Variants in KPNA7 observed in about 807,000 individuals in gnomAD.
KPNA7 encodes the protein karyopherin subunit alpha 7, also known as importin subunit alpha-8.
KPNA7 carries 54 observed loss-of-function variants against 53.7 expected under a neutral mutation model. The observed-to-expected ratio is 1.01, with a 90% CI of 0.81 to 1.26. The LOEUF is 1.26. Ranked by LOEUF, KPNA7 falls within the 50% of genes most tolerant of loss-of-function variation. The pLI is 0.00. For missense variants in KPNA7, 640 were observed against 644.5 expected, an observed-to-expected ratio of 0.99 and a Z score of 0.07; for synonymous variants, 276 against 259.3, an observed-to-expected ratio of 1.06 and a Z score of -0.62.
At chr7:99,153,536 C>A in the KPNA7 span, among the ~76,000 whole-genome samples, 1 of 142,166 alleles carries the variant, frequency 7.0e-6, no homozygotes, top group Non-Finnish European at 1.5e-5. Context: ...GGTGACAGAG[C>A]GAGACACTGT....
upstream of KPNA7, among the ~76,000 whole-genome samples, chr7:99,209,342 C>T (rs1300606584): frequency 3.9e-5 from 6 of 152,080 alleles, no homozygotes; most frequent in African/African-American, 7.2e-5. Context: ...GCCTCCACCC[C>T]AGTCCAGACC....
the KPNA7 span, among the ~76,000 whole-genome samples, chr7:99,160,017 G>GGTTTTTTT: frequency 1.5e-5 from 1 of 67,662 alleles, no homozygotes; most frequent in Non-Finnish European, 2.8e-5. Flanking sequence ...TGTTGTTTTT[G>GGTTTTTTT]TTTTTTTTTT....
chr7:99,190,663 T>A (rs1789899778), intron 6 of KPNA7, among the ~76,000 whole-genome samples: 1 of 151,674 alleles, frequency 6.6e-6, no homozygotes, highest in South Asian at 2.1e-4. Flanking sequence ...CTTTTTTTTT[T>A]TTTTTGGGGG....
chr7:99,198,206 G>C (rs934927545), intron 3 of KPNA7, among the ~76,000 whole-genome samples: 2 of 151,902 alleles, frequency 1.3e-5, no homozygotes, highest in African/African-American at 4.8e-5. Flanking sequence ...TGGGTGATAA[G>C]AGTAAAACTC....
chr7:99,164,617 A>G, the KPNA7 span, among the ~76,000 whole-genome samples: 1 of 122,078 alleles, frequency 8.2e-6, no homozygotes. Flanking sequence ...CATGTACCCT[A>G]AAACTTAAAG....
the KPNA7 span, among the ~76,000 whole-genome samples, chr7:99,167,834 G>C: frequency 6.6e-6 from 1 of 151,804 alleles, no homozygotes; most frequent in African/African-American, 2.4e-5. Flanking sequence ...ATCACCTCCA[G>C]ATGGGACCAC....
In KPNA7 at chr7:99,181,055, GTCTGTGTCTCTCTCTCCATCTGTGTC is replaced by G. The variant is rs1171764724; in HGVS notation, c.1317+802_1317+827del. Among the ~76,000 whole-genome samples the G allele has an allele frequency of 3.0e-4, 4 of 13,434 alleles. 1 individual carries two copies. The highest frequency in any genetic ancestry group is 6.7e-4 in the Non-Finnish European group (4 of 5,948). 8.8% of individuals were successfully genotyped at this position (13,434 alleles called of 152,430 possible). On this transcript the variant is annotated intron_variant, in intron 9 of 10. Transcript: ENST00000327442. The stretch of plus-strand genomic sequence containing the variant: ...TGTGTGTGTCTCTCTCTCTCTCTCC[GTCTGTGTCTCTCTCTCCATCTGTGTC>G]TCTCTCTCTCTCTCCGTCTGTGTCT...
chr7:99,148,760 T>C, the KPNA7 span, among the ~76,000 whole-genome samples: 1 of 152,062 alleles, frequency 6.6e-6, no homozygotes, highest in Non-Finnish European at 1.5e-5. Flanking sequence ...CATACCTGGC[T>C]AAATTTTTTT....
intron 6 of KPNA7, among the ~76,000 whole-genome samples, chr7:99,190,186 A>G (rs1239990886): frequency 1.3e-5 from 2 of 151,818 alleles, no homozygotes; most frequent in East Asian, 3.9e-4. Context: ...AAAACACAAA[A>G]ATTAGCCAGG....
intron 10 of KPNA7, among the ~76,000 whole-genome samples, chr7:99,175,766 C>A (rs1180424241): frequency 6.6e-6 from 1 of 151,972 alleles, no homozygotes; most frequent in East Asian, 1.9e-4. Context: ...TCTGCCTCAG[C>A]CTCCCAAAGT....
chr7:99,163,883 T>C, the KPNA7 span, among the ~76,000 whole-genome samples: 442 of 152,268 alleles, frequency 2.9e-3, 2 homozygotes, highest in African/African-American at 0.01. Flanking sequence ...AACAGGAACC[T>C]ACTCTGGCTA....
At chr7:99,209,928 C>G (rs376249432), upstream of KPNA7, among the ~76,000 whole-genome samples, 110 of 151,986 alleles carry the variant, frequency 7.2e-4, 2 homozygotes, top group East Asian at 9.9e-3. Flanking sequence ...ATTTCTGGAG[C>G]CCAGGAAGTC....
downstream of KPNA7, among the ~76,000 whole-genome samples, chr7:99,171,393 G>A (rs1798766470): frequency 6.6e-6 from 1 of 151,686 alleles, no homozygotes; most frequent in African/African-American, 2.4e-5. Context: ...TTGATCCCAG[G>A]AATTCAAGGT....
chr7:99,190,653 C>CTT (rs78243243), intron 6 of KPNA7, among the ~76,000 whole-genome samples: 27 of 120,816 alleles, frequency 2.2e-4, no homozygotes, highest in Non-Finnish European at 3.4e-4. Context: ...GCCAGTAAAA[C>CTT]TTTTTTTTTT....
Position 99,173,755 on chromosome 7 carries a change from C to G in KPNA7, c.1504G>C (p.Asp502His). ...ESQTLLSQVI[D>H]QDYEFIDYEC... Reference sequence around the variant, plus strand: ...TAATCTATAAATTCATAATCTTGGTCTATGACTTGGCTCAGTAAAGTTTGG... The same window carrying G: ...TAATCTATAAATTCATAATCTTGGTGTATGACTTGGCTCAGTAAAGTTTGG... The change falls in exon 11 of 11, where the codon GAC becomes CAC. Residue 502 changes from aspartate to histidine, a missense_variant. Asp to His is a moderately conservative substitution (Grantham distance 81, BLOSUM62 -1). Coordinates refer to ENST00000327442, the MANE Select transcript of KPNA7 (RefSeq NM_001145715.3). 2 of 1,551,776 alleles carry G rather than the reference C, an allele frequency of 1.3e-6. No individual in the cohort carries two copies. Among genetic ancestry groups the G allele is most frequent in the Non-Finnish European group, 1.7e-6 (2 of 1,146,838 alleles).
chr7:99,187,823 A>ATT (rs1563075228), intron 7 of KPNA7, among the ~76,000 whole-genome samples: 4 of 143,336 alleles, frequency 2.8e-5, no homozygotes, highest in African/African-American at 8.2e-5. Flanking sequence ...AAAAAAAAAA[A>ATT]AAAAAAAAAA....
At chr7:99,192,502 T>A (rs995022518) in intron 6 of KPNA7, among the ~76,000 whole-genome samples, 5 of 152,184 alleles carry the variant, frequency 3.3e-5, no homozygotes, top group African/African-American at 1.2e-4. Context: ...AGCCTCCCTC[T>A]CCTGGGCTCA....
the KPNA7 span, among the ~76,000 whole-genome samples, chr7:99,151,194 A>G: frequency 3.9e-5 from 6 of 152,050 alleles, no homozygotes; most frequent in African/African-American, 1.4e-4. Context: ...TGGTGCCTGC[A>G]TCGTGCTGAT....
At chr7:99,165,672 G>A in the KPNA7 span, among the ~76,000 whole-genome samples, 4 of 152,316 alleles carry the variant, frequency 2.6e-5, no homozygotes, top group East Asian at 1.9e-4. Context: ...TGGGCATGAT[G>A]TTTTGGTGTG....
Sources: allele counts gnomAD v4.1 joint callset (sites outside exome capture counted in the v4.1 genomes callset), GRCh38; gene constraint gnomAD v4.1.1; transcripts MANE v1.5; gene names NCBI Gene and HGNC (gene_info 2026-07-23, HGNC 2026-07-21).